The following CPNE4 variants were observed in gnomAD, a reference collection of about 807,000 sequenced individuals.
CPNE4 encodes the protein copine 4.
In CPNE4, 25 loss-of-function variants were observed where a neutral mutation model predicts 67.9. The ratio of observed to expected loss-of-function variants is 0.37; its 90% CI spans 0.27 to 0.51. The LOEUF (loss-of-function observed/expected upper bound fraction) is 0.51, where lower values mean the gene tolerates loss of function less well. Ranked by LOEUF, CPNE4 falls within the 20% of genes least tolerant of loss-of-function variation. The probability of loss-of-function intolerance (pLI) is 0.93; values close to 1 mark genes in which losing one functional copy is unlikely to be tolerated. For synonymous variants in CPNE4, 242 were observed against 244.9 expected (o/e 0.99, Z 0.11); for missense variants, 464 against 690.8 (o/e 0.67, Z 3.68).
chr3:131,795,437 G>A (rs1258459617), intron 2 of CPNE4, among the ~76,000 whole-genome samples: 3 of 152,152 alleles, frequency 2.0e-5, no homozygotes, highest in African/African-American at 7.2e-5. Context: ...GACATTCCTT[G>A]TAATATCCCC....
intron 2 of CPNE4, among the ~76,000 whole-genome samples, chr3:131,895,452 C>T (rs185222548): frequency 6.6e-6 from 1 of 151,780 alleles, no homozygotes; most frequent in Non-Finnish European, 1.5e-5. Context: ...GAAATTGTCC[C>T]CCATCAATAT....
chr3:131,973,877 G>A (rs1036248683), intron 1 of CPNE4, among the ~76,000 whole-genome samples: 1 of 152,192 alleles, frequency 6.6e-6, no homozygotes, highest in Non-Finnish European at 1.5e-5. Context: ...GGTTTGCCAA[G>A]CGTAACGTTA....
chr3:131,989,492 C>A (rs774205954), intron 1 of CPNE4, among the ~76,000 whole-genome samples: 3 of 87,694 alleles, frequency 3.4e-5, no homozygotes, highest in African/African-American at 8.3e-5. Flanking sequence ...CAAAGAATTG[C>A]GCAAGTTTGG....
intron 2 of CPNE4, among the ~76,000 whole-genome samples, chr3:131,776,791 T>C (rs529160955): frequency 1.3e-4 from 20 of 152,254 alleles, no homozygotes; most frequent in African/African-American, 4.1e-4. Context: ...CAAGAGCTGA[T>C]AGTTGATTAA....
At chr3:131,801,422 G>GTA (rs2084116616) in intron 2 of CPNE4, among the ~76,000 whole-genome samples, 10 of 43,754 alleles carry the variant, frequency 2.3e-4, no homozygotes, top group Admixed American at 2.2e-3. Flanking sequence ...ATACGTGTGT[G>GTA]TGTGTGTGTG....
At chr3:131,734,183 G>A (rs2082186124) in intron 2 of CPNE4, among the ~76,000 whole-genome samples, 1 of 152,212 alleles carries the variant, frequency 6.6e-6, no homozygotes, top group South Asian at 2.1e-4. Flanking sequence ...CCACTGGTTA[G>A]GGAGGAGCCC....
At chr3:131,749,157 G>A (rs966771000) in intron 2 of CPNE4, among the ~76,000 whole-genome samples, 8 of 152,030 alleles carry the variant, frequency 5.3e-5, no homozygotes, top group African/African-American at 1.9e-4. Context: ...TCACTTCAAT[G>A]TATTTTTACA....
At chr3:131,831,129 T>C (rs2085352875) in intron 2 of CPNE4, among the ~76,000 whole-genome samples, 1 of 151,988 alleles carries the variant, frequency 6.6e-6, no homozygotes, top group African/African-American at 2.4e-5. Context: ...TAAAAATCCT[T>C]CAAAATGGAA....
chr3:131,955,760 A>C (rs1358550766), intron 1 of CPNE4, among the ~76,000 whole-genome samples: 1 of 152,144 alleles, frequency 6.6e-6, no homozygotes, highest in African/African-American at 2.4e-5. Flanking sequence ...TTTGCAACTG[A>C]ATGTCTCTGA....
intron 2 of CPNE4, among the ~76,000 whole-genome samples, chr3:131,828,953 G>C (rs2085268392): frequency 6.6e-6 from 1 of 152,230 alleles, no homozygotes; most frequent in African/African-American, 2.4e-5. Context: ...AGACATACCT[G>C]AGACTGGGCA....
chr3:131,728,424 T>C (rs181075310), intron 2 of CPNE4, among the ~76,000 whole-genome samples: 197 of 152,306 alleles, frequency 1.3e-3, no homozygotes, highest in African/African-American at 3.9e-3. Flanking sequence ...CTATGCTATA[T>C]AGTTATGCAA....
At chr3:131,766,570 C>G (rs1352929658) in intron 2 of CPNE4, among the ~76,000 whole-genome samples, 1 of 152,034 alleles carries the variant, frequency 6.6e-6, no homozygotes, top group Non-Finnish European at 1.5e-5. Context: ...ACAATTGGCT[C>G]CCAAAAGCTG....
intron 4 of CPNE4, among the ~76,000 whole-genome samples, chr3:131,699,054 T>A (rs1048840393): frequency 2.0e-5 from 3 of 152,198 alleles, no homozygotes; most frequent in Non-Finnish European, 4.4e-5. Context: ...TTTCTTTTGC[T>A]TGTCTTTTTG....
chr3:131,735,164 T>C (rs2082206862), intron 2 of CPNE4, among the ~76,000 whole-genome samples: 1 of 152,066 alleles, frequency 6.6e-6, no homozygotes, highest in African/African-American at 2.4e-5. Context: ...TGAAACAAAA[T>C]TCTAAAAAAA....
intron 1 of CPNE4, among the ~76,000 whole-genome samples, chr3:131,975,894 T>A (rs550916922): frequency 6.6e-6 from 1 of 152,030 alleles, no homozygotes; most frequent in Non-Finnish European, 1.5e-5. Flanking sequence ...CTTGTAACAG[T>A]GAAATAAACA....
intron 1 of CPNE4, among the ~76,000 whole-genome samples, chr3:132,019,472 G>A (rs1052466385): frequency 1.1e-4 from 16 of 152,228 alleles, no homozygotes; most frequent in African/African-American, 3.6e-4. Context: ...GTGACAAAAT[G>A]CATCTGAAAA....
intron 1 of CPNE4, among the ~76,000 whole-genome samples, chr3:131,943,515 C>T (rs186644208): frequency 4.6e-5 from 7 of 152,192 alleles, no homozygotes; most frequent in Non-Finnish European, 7.4e-5. Context: ...ATTTGTGTTG[C>T]TATTACTTAT....
At chr3:131,636,681 C>G (rs147265678) in intron 7 of CPNE4, among the ~76,000 whole-genome samples, 1 of 152,066 alleles carries the variant, frequency 6.6e-6, no homozygotes, top group Non-Finnish European at 1.5e-5. Flanking sequence ...CCTATAGGAC[C>G]GCAGCTGATG....
At chr3:131,806,910 T>C (rs1369155254) in intron 2 of CPNE4, among the ~76,000 whole-genome samples, 1 of 152,194 alleles carries the variant, frequency 6.6e-6, no homozygotes, top group Admixed American at 6.5e-5. Context: ...GTTTTCACAG[T>C]TCCCCAAATT....
Sources: allele counts gnomAD v4.1 joint callset (sites outside exome capture counted in the v4.1 genomes callset), GRCh38; gene constraint gnomAD v4.1.1; transcripts MANE v1.5; gene names NCBI Gene and HGNC (gene_info 2026-07-23, HGNC 2026-07-21).